Variants in NCOA4 observed in about 807,000 individuals in gnomAD.
NCOA4 encodes the protein nuclear receptor coactivator 4, also known as 70 kDa AR-activator.
A neutral mutation model predicts 69.5 loss-of-function variants in NCOA4; 31 were observed. That is an observed-to-expected ratio of 0.45 (90% confidence interval 0.34 to 0.60). The LOEUF is 0.60. NCOA4 is among the 20% of genes least tolerant of loss of function. The probability of loss-of-function intolerance (pLI) is 0.02; values close to 1 mark genes in which losing one functional copy is unlikely to be tolerated. For synonymous variants in NCOA4, 228 were observed against 252.4 expected (o/e 0.90, Z 0.92); for missense variants, 600 against 719.2 (o/e 0.83, Z 1.90).
intron 9 of NCOA4, 26 bp from the exon 10 acceptor site, chr10:46,006,623 A>ATTCTTC: frequency 6.2e-7 from 1 of 1,613,776 alleles, no homozygotes; most frequent in East Asian, 2.2e-5. Flanking sequence ...CACAGATGAT[A>ATTCTTC]AGTTACTTCA....
Position 46,010,964 on chromosome 10 carries a change from A to G in NCOA4, c.957T>C (p.Asn319=). 1 of 1,614,008 alleles carries G rather than the reference A, an allele frequency of 6.2e-7. No individual in the cohort carries two copies. The highest frequency in any genetic ancestry group is 8.5e-7 in the Non-Finnish European group (1 of 1,179,864). The change falls in exon 8 of 10, where the codon AAT becomes AAC. Residue 319 remains asparagine, a synonymous_variant. Transcript: ENST00000581486. ...QESHKLRKPE[N]GSRETSEKFK... ...ACTTCTCACTGGTTTCACGACTGCC[A>G]TTCTCAGGCTTCCGCAGCTTATGGG...
At chr10:46,028,669 G>C (rs1840287720) in intron 1 of NCOA4, among the ~76,000 whole-genome samples, 1 of 151,892 alleles carries the variant, frequency 6.6e-6, no homozygotes, top group Non-Finnish European at 1.5e-5. Context: ...GTATGTTGAA[G>C]GAATCATTAA....
chr10:46,009,428 A>G lies in NCOA4; in HGVS notation c.1822T>C (p.Tyr608His), dbSNP rs782604958. Reference protein sequence around the residue: ...QLKVDKEKWLYRTPLQM With the variant: ...QLKVDKEKWLHRTPLQM ...GTACCCACCTGTAGAGGAGTTCGAT[A>G]TAACCACTTCTCTTTATCAACTTTA... The change falls in exon 9 of 10, where the codon TAT (tyrosine) becomes CAT (histidine). Residue 608 changes from tyrosine to histidine, a missense_variant. By Grantham distance (83) the Tyr-to-His change is moderately conservative (BLOSUM62 2). Transcript: ENST00000581486. 1.6e-5 allele frequency: 26 copies of G among 1,612,662 alleles called. 1 individual carries two copies. The highest frequency in any genetic ancestry group is 2.1e-5 in the Non-Finnish European group (25 of 1,179,834).
At chr10:46,012,782 C>T in intron 7 of NCOA4, 101 bp downstream of exon 7, 1 of 1,229,522 alleles carries the variant, frequency 8.1e-7, no homozygotes, top group Non-Finnish European at 1.1e-6. Context: ...TGTTTCCAGA[C>T]TGCAACCAAA....
Position 46,005,679 on chromosome 10 carries a change from A to C in NCOA4, c.*913T>G, listed in dbSNP as rs1838768294. The stretch of plus-strand genomic sequence containing the variant: ...ACAGGTATGCTGTGCTTGCAGTGAG[A>C]GGATGACTTTATCCCTACTTAAAAG... On this transcript the variant is annotated 3_prime_UTR_variant, in exon 10 of 10. Coordinates refer to ENST00000581486, the MANE Select transcript of NCOA4 (RefSeq NM_001145263.2). 1 of 218,496 alleles carries C rather than the reference A, an allele frequency of 4.6e-6. No individual in the cohort carries two copies. The highest frequency in any genetic ancestry group is 9.2e-6 in the Non-Finnish European group (1 of 108,514). The allele number at this position is 218,496 out of a possible 1,614,324, so 13.5% of individuals were successfully genotyped here.
chr10:46,011,831 A>G (rs527873228), intron 7 of NCOA4, among the ~76,000 whole-genome samples: 8 of 151,864 alleles, frequency 5.3e-5, no homozygotes, highest in African/African-American at 1.9e-4. Context: ...AGGCAGGCAG[A>G]TCACAAGGTC....
chr10:46,010,971 G>A lies in NCOA4; in HGVS notation c.950C>T (p.Pro317Leu). The A allele has an allele frequency of 6.2e-7, 1 of 1,613,972 alleles. No individual in the cohort carries two copies. Among genetic ancestry groups the A allele is most frequent in the South Asian group, 1.1e-5 (1 of 91,076 alleles). The change falls in exon 8 of 10, where the codon CCT (proline) becomes CTT (leucine). Residue 317 changes from proline to leucine, a missense_variant. Pro to Leu is a moderately conservative substitution (Grantham distance 98). Transcript: ENST00000581486. ...TPQESHKLRK[P>L]ENGSRETSEK... ...ACTGGTTTCACGACTGCCATTCTCA[G>A]GCTTCCGCAGCTTATGGGATTCCTG...
At chr10:46,008,106 G>T (rs1365598512) in intron 9 of NCOA4, among the ~76,000 whole-genome samples, 3 of 152,298 alleles carry the variant, frequency 2.0e-5, no homozygotes, top group East Asian at 1.9e-4. Context: ...CAGTGCACTT[G>T]GTCACCCAAA....
intron 3 of NCOA4, 69 bp downstream of exon 3, chr10:46,015,057 T>TA: frequency 6.2e-7 from 1 of 1,604,914 alleles, no homozygotes; most frequent in Non-Finnish European, 8.5e-7. Context: ...AACACTGCAT[T>TA]ACAAGGAAGA....
In NCOA4 at chr10:46,011,086, T is replaced by C; in HGVS notation, c.835A>G (p.Ser279Gly). 3.1e-6 allele frequency: 5 copies of C among 1,613,928 alleles called. No individual in the cohort carries two copies. In the East Asian group the frequency reaches 8.9e-5, roughly 29 times the overall value. Residue 279 changes from serine (S) to glycine (G), a missense_variant, in exon 8 of 10, where the codon AGT becomes GGT. Ser to Gly is a moderately conservative substitution (Grantham distance 56). Coordinates refer to ENST00000581486, the MANE Select transcript of NCOA4 (RefSeq NM_001145263.2). ...YQKCNSHSTT[S>G]SFSIEMEKVG... ...TTTTCCATTTCAATGGAGAAAGAACTAGTAGTGGAATGGCTGTTACACTTT... is the reference window on the plus strand; with the variant it reads ...TTTTCCATTTCAATGGAGAAAGAACCAGTAGTGGAATGGCTGTTACACTTT...
At chr10:46,011,249 G>T (rs1259359127) in intron 7 of NCOA4, 43 bp from the exon 8 acceptor site, 2 of 1,523,844 alleles carry the variant, frequency 1.3e-6, no homozygotes, top group African/African-American at 2.8e-5. Context: ...GAACAATTAT[G>T]ACTGCTTTGG....
chr10:46,019,169 T>C (rs1433940374), intron 1 of NCOA4, among the ~76,000 whole-genome samples: 6 of 152,240 alleles, frequency 3.9e-5, no homozygotes, highest in Admixed American at 2.6e-4. Context: ...CTGCCTTAAT[T>C]GGATTTCACA....
At chr10:46,015,833 A>T (rs1252514498) in intron 2 of NCOA4, among the ~76,000 whole-genome samples, 2 of 152,218 alleles carry the variant, frequency 1.3e-5, no homozygotes, top group African/African-American at 4.8e-5. Context: ...CAGCTAAAAG[A>T]CCATTAGGGT....
At chr10:46,018,240 GA>G (rs1459383869) in intron 1 of NCOA4, among the ~76,000 whole-genome samples, 1 of 152,166 alleles carries the variant, frequency 6.6e-6, no homozygotes, top group Non-Finnish European at 1.5e-5. Flanking sequence ...GGCTGTGACA[GA>G]AACAGATCCC....
intron 1 of NCOA4, chr10:46,027,456 G>C: frequency 1.9e-6 from 3 of 1,551,498 alleles, no homozygotes; most frequent in Non-Finnish European, 1.7e-6. Context: ...GTGGTCAACT[G>C]GGCCCCCATT....
intron 7 of NCOA4, 55 bp from the exon 8 acceptor site, chr10:46,011,261 G>A (rs1839186299): frequency 1.3e-6 from 2 of 1,500,284 alleles, no homozygotes; most frequent in Admixed American, 4.5e-5. Context: ...CTGCTTTGGA[G>A]ATTCTGTCTG....
chr10:46,017,191 A>G (rs1249167840), intron 1 of NCOA4, among the ~76,000 whole-genome samples: 3 of 152,214 alleles, frequency 2.0e-5, no homozygotes, highest in Non-Finnish European at 4.4e-5. Context: ...CCTTTTAGGT[A>G]GAACTTTTTT....
intron 1 of NCOA4, among the ~76,000 whole-genome samples, chr10:46,016,911 G>C (rs1839590745): frequency 6.6e-6 from 1 of 152,034 alleles, no homozygotes; most frequent in African/African-American, 2.4e-5. Context: ...ATCTACTTTA[G>C]TGACACTTTA....
intron 9 of NCOA4, 146 bp downstream of exon 9, chr10:46,009,265 T>A: frequency 3.4e-6 from 5 of 1,481,690 alleles, no homozygotes; most frequent in Non-Finnish European, 4.6e-6. Flanking sequence ...TTTTATGAGC[T>A]CCCCCGTCCC....
Sources: allele counts gnomAD v4.1 joint callset (sites outside exome capture counted in the v4.1 genomes callset), GRCh38; gene constraint gnomAD v4.1.1; transcripts MANE v1.5; gene names NCBI Gene and HGNC (gene_info 2026-07-23, HGNC 2026-07-21).